The following CASZ1 variants were observed in gnomAD, a reference collection of about 807,000 sequenced individuals.
The protein encoded by CASZ1 is zinc finger protein castor homolog 1.
A neutral mutation model predicts 135.2 loss-of-function variants in CASZ1; 28 were observed. That is an observed-to-expected ratio of 0.21 (90% CI 0.15 to 0.28). The LOEUF is 0.28. Among genes scored for constraint, CASZ1 ranks in the 10% least tolerant of loss-of-function variants. The pLI is 1.00. For missense variants in CASZ1, 2,161 were observed against 2,453.3 expected, an observed-to-expected ratio of 0.88 and a Z score of 2.52; for synonymous variants, 1,068 against 1,073.4, an observed-to-expected ratio of 0.99 and a Z score of 0.10.
intron 9 of CASZ1, 86 bp from the exon 10 acceptor site, chr1:10,654,677 C>A (rs970340621): frequency 4.6e-5 from 60 of 1,299,964 alleles, no homozygotes; most frequent in Non-Finnish European, 6.1e-5. Flanking sequence ...GCTGGGGCCA[C>A]TGACTTCCCT....
chr1:10,638,834 G>C lies in CASZ1; in HGVS notation c.*108C>G, dbSNP rs1453916121. 8.4e-6 allele frequency: 8 copies of C among 952,918 alleles called. No individual in the cohort carries two copies. The highest frequency in any genetic ancestry group is 1.0e-5 in the Non-Finnish European group (8 of 800,964). 59.0% of individuals were successfully genotyped at this position (952,918 alleles called of 1,614,324 possible). On this transcript the variant is annotated 3_prime_UTR_variant, in exon 21 of 21. Transcript: ENST00000377022. This position sits in a 1 kb window ranked among gnomAD's most constrained non-coding sequence, Gnocchi z 5.9. ...CTGTCCTGAGACGGACTCGGGGTCC[G>C]GAAGCACCGGCGGGGCGCGGGGCTC...
At chr1:10,682,381 G>A (rs1028212423) in intron 4 of CASZ1, among the ~76,000 whole-genome samples, 2 of 152,102 alleles carry the variant, frequency 1.3e-5, no homozygotes, top group Non-Finnish European at 2.9e-5. Flanking sequence ...GCAGAGGGAG[G>A]AGTGTCTGTG....
chr1:10,717,701 C>T lies in CASZ1; in HGVS notation c.-76-12157G>A, dbSNP rs1368942496. ...GAGGTAGAAAACCCTTGCCAATTCCCCCCCAACTGATGTCAGAGCTGCCGG... is the reference window on the plus strand; with the variant it reads ...GAGGTAGAAAACCCTTGCCAATTCCTCCCCAACTGATGTCAGAGCTGCCGG... On this transcript the variant is annotated intron_variant, in intron 2 of 20. Coordinates refer to ENST00000377022, the MANE Select transcript of CASZ1 (RefSeq NM_001079843.3). The surrounding 1 kb of genome is among the most constrained non-coding windows in gnomAD (Gnocchi z 4.6). 6.6e-6 allele frequency among the ~76,000 whole-genome samples: 1 copy of T among 152,132 alleles called. No homozygotes were observed. The highest frequency in any genetic ancestry group is 6.5e-5 in the Admixed American group (1 of 15,282).
chr1:10,669,613 C>T (rs1570449070), intron 4 of CASZ1, among the ~76,000 whole-genome samples: 1 of 152,202 alleles, frequency 6.6e-6, no homozygotes, highest in Admixed American at 6.5e-5. Flanking sequence ...CATCCCCAGT[C>T]CCCTGATCTC....
chr1:10,774,414 T>C lies in CASZ1; in HGVS notation c.-233-13557A>G, dbSNP rs1039242421. 3.3e-5 allele frequency among the ~76,000 whole-genome samples: 5 copies of C among 152,026 alleles called. No homozygotes were observed. Among genetic ancestry groups the C allele is most frequent in the African/African-American group, 1.2e-4 (5 of 41,412 alleles). On this transcript the variant is annotated intron_variant, in intron 1 of 20. Transcript: ENST00000377022. The surrounding 1 kb of genome is among the most constrained non-coding windows in gnomAD (Gnocchi z 4.4). ...CTCTCTGTCCCTGAGATTAGGGATTTGGAAAAAGTCCCACCACCAGGGCCT... is the reference window on the plus strand; with the variant it reads ...CTCTCTGTCCCTGAGATTAGGGATTCGGAAAAAGTCCCACCACCAGGGCCT...
chr1:10,715,531 CGCCCCCCACA>C (rs1639363060), intron 2 of CASZ1, among the ~76,000 whole-genome samples: 29 of 148,142 alleles, frequency 2.0e-4, no homozygotes, highest in Non-Finnish European at 2.8e-4. Flanking sequence ...GCACCCAATC[CGCCCCCCACA>C]GCACCCAATC....
chr1:10,713,058 G>A (rs1253051709), intron 2 of CASZ1, among the ~76,000 whole-genome samples: 2 of 152,216 alleles, frequency 1.3e-5, no homozygotes, highest in Non-Finnish European at 2.9e-5. Context: ...TCCAGAATGC[G>A]TGTACATATA....
At position 10,694,068 on chromosome 1, in the gene CASZ1, G is replaced by C. The variant is rs913438510; in HGVS notation, c.-23-156C>G. Among the ~76,000 whole-genome samples, 9 of 151,692 alleles carry C rather than the reference G, an allele frequency of 5.9e-5. No individual in the cohort carries two copies. The highest frequency in any genetic ancestry group is 3.4e-3 in the Middle Eastern group (1 of 292). On this transcript the variant is annotated intron_variant, in intron 3 of 20. Transcript: ENST00000377022. This position sits in a 1 kb window ranked among gnomAD's most constrained non-coding sequence, Gnocchi z 6.6. Reference sequence around the variant, plus strand: ...CCGCGGCGGAGAAACTTTCTCCTCCGCGCCGCCCGCTTCTCACGCTCGGCC... The same window carrying C: ...CCGCGGCGGAGAAACTTTCTCCTCCCCGCCGCCCGCTTCTCACGCTCGGCC...
At chr1:10,769,110 A>G (rs1199301979) in intron 1 of CASZ1, among the ~76,000 whole-genome samples, 1 of 152,246 alleles carries the variant, frequency 6.6e-6, no homozygotes, top group Non-Finnish European at 1.5e-5. Flanking sequence ...ACTGCACTCC[A>G]GCCTGGGCAA....
intron 1 of CASZ1, among the ~76,000 whole-genome samples, chr1:10,791,272 T>A (rs1640951321): frequency 6.6e-6 from 1 of 152,128 alleles, no homozygotes; most frequent in Non-Finnish European, 1.5e-5. Flanking sequence ...GAAAAAGCAC[T>A]TGAGACAAAG....
chr1:10,659,892 G>A lies in CASZ1; in HGVS notation c.1150C>T (p.Pro384Ser), dbSNP rs760610105. 2.5e-6 allele frequency: 4 copies of A among 1,611,176 alleles called. No homozygotes were observed. The highest frequency in any genetic ancestry group is 3.4e-6 in the Non-Finnish European group (4 of 1,179,034). ...GTGGGCGGAACCTTGGCGGGGCCTG[G>A]CTTCTGGATGCCCCGGACGTCGTAC... is the stretch of plus-strand genomic sequence containing the variant. ...SKYDVRGIQKPGPAKVPPTPS... is the reference protein window; with the variant it reads ...SKYDVRGIQKSGPAKVPPTPS... Residue 384 changes from proline to serine, a missense_variant, in exon 6 of 21, where the codon CCA becomes TCA. Pro to Ser is a moderately conservative substitution (Grantham distance 74). Transcript: ENST00000377022.
At chr1:10,793,723 CG>C (rs1437706574) in intron 1 of CASZ1, among the ~76,000 whole-genome samples, 1 of 29,922 alleles carries the variant, frequency 3.3e-5, no homozygotes, top group Non-Finnish European at 6.7e-5. Context: ...GGGTGGGTGG[CG>C]GGGGGGCGGG....
intron 4 of CASZ1, among the ~76,000 whole-genome samples, chr1:10,675,182 A>G (rs886177689): frequency 5.3e-5 from 8 of 152,256 alleles, no homozygotes; most frequent in Middle Eastern, 3.2e-3. Context: ...TAAAGTTTAA[A>G]CAGTAATTAA....
intron 20 of CASZ1, among the ~76,000 whole-genome samples, chr1:10,642,593 G>C (rs1642241090): frequency 6.6e-6 from 1 of 152,084 alleles, no homozygotes; most frequent in Admixed American, 6.5e-5. Flanking sequence ...AGGAGGCTGG[G>C]GCTGCGCTGC....
rs145649674 is a variant in CASZ1 at position 10,646,110 on chromosome 1, G to A, written c.3696+18C>T. The A allele has an allele frequency of 0.032, 52,005 of 1,612,882 alleles. 1,029 individuals are homozygous for A. Among genetic ancestry groups the A allele is most frequent in the Non-Finnish European group, 0.04 (47,089 of 1,179,308 alleles). On this transcript the variant is annotated intron_variant, in intron 17 of 20. Transcript: ENST00000377022. The surrounding 1 kb of genome is among the most constrained non-coding windows in gnomAD (Gnocchi z 6.4). ...CTGCCCCCTACTCTGCCCCTGCGCC[G>A]TGTACCGCCATGCTGACCTGGTTGG...
chr1:10,691,973 A>G, intron 4 of CASZ1, among the ~76,000 whole-genome samples: 1 of 152,192 alleles, frequency 6.6e-6, no homozygotes, highest in South Asian at 2.1e-4. Context: ...CTCCAGCTAC[A>G]GGAGGAAGCA....
At chr1:10,655,493 T>C (rs904186133) in intron 9 of CASZ1, among the ~76,000 whole-genome samples, 156 bp downstream of exon 9, 3 of 152,228 alleles carry the variant, frequency 2.0e-5, no homozygotes, top group Admixed American at 6.5e-5. Flanking sequence ...CCTGGCTCGC[T>C]GGCCATCCCT....
At chr1:10,710,678 T>C (rs1394358564) in intron 2 of CASZ1, among the ~76,000 whole-genome samples, 1 of 152,186 alleles carries the variant, frequency 6.6e-6, no homozygotes, top group Non-Finnish European at 1.5e-5. Flanking sequence ...CGCCAACAGA[T>C]GCACAGAAAG....
intron 1 of CASZ1, among the ~76,000 whole-genome samples, chr1:10,784,253 G>A (rs1003576271): frequency 6.6e-6 from 1 of 152,008 alleles, no homozygotes; most frequent in Non-Finnish European, 1.5e-5. Context: ...GTGTGCCCCC[G>A]CCCTCCATCT....
Sources: gnomAD v4.1 joint callset for allele counts (sites outside exome capture counted in the v4.1 genomes callset) on GRCh38, gnomAD v4.1.1 for gene constraint, Gnocchi (gnomAD v3.1) non-coding constraint, MANE v1.5 for transcripts, NCBI Gene and HGNC (gene_info 2026-07-23, HGNC 2026-07-21) for gene names.